NT5DC3: variants seen among roughly 807,000 people sequenced by gnomAD.
NT5DC3 encodes the protein 5'-nucleotidase domain containing 3.
A neutral mutation model predicts 67.8 loss-of-function variants in NT5DC3; 42 were observed. The observed-to-expected ratio is 0.62, with a 90% CI of 0.48 to 0.80. The LOEUF (loss-of-function observed/expected upper bound fraction) is 0.80. Among genes scored for constraint, NT5DC3 ranks in the 30% least tolerant of loss-of-function variants. NT5DC3 has a pLI of 0.00. For missense variants in NT5DC3, 570 were observed against 696.4 expected (o/e 0.82, Z 2.04); for synonymous variants, 237 against 255.6 (o/e 0.93, Z 0.69).
downstream of NT5DC3, among the ~76,000 whole-genome samples, chr12:103,767,804 C>T (rs1464951297): frequency 6.6e-6 from 1 of 151,800 alleles, no homozygotes; most frequent in African/African-American, 2.4e-5. Context: ...CACTTGAGGT[C>T]GGGCATGGTG....
chr12:103,756,749 A>G, the NT5DC3 span, among the ~76,000 whole-genome samples: 2 of 152,016 alleles, frequency 1.3e-5, no homozygotes, highest in African/African-American at 4.8e-5. Context: ...GGCTTGTAGG[A>G]TCCATGTGGA....
chr12:103,794,129 A>C, intron 6 of NT5DC3, 132 bp from the exon 7 acceptor site: 1 of 621,484 alleles, frequency 1.6e-6, no homozygotes, highest in Admixed American at 2.9e-5. Context: ...ACAAAATCTA[A>C]ATTCTGGTCC....
At chr12:103,832,216 C>A (rs1887962532) in intron 1 of NT5DC3, among the ~76,000 whole-genome samples, 1 of 151,918 alleles carries the variant, frequency 6.6e-6, no homozygotes, top group Non-Finnish European at 1.5e-5. Context: ...ATCTAGTCTG[C>A]CAGACTGCTG....
At chr12:103,824,377 T>TA (rs1887606060) in intron 1 of NT5DC3, among the ~76,000 whole-genome samples, 2 of 152,240 alleles carry the variant, frequency 1.3e-5, no homozygotes, top group Admixed American at 1.3e-4. Context: ...ATGCCCAAGG[T>TA]ATCCTTTCCA....
In NT5DC3 at chr12:103,774,638, C is replaced by T. The variant is rs1332365690; in HGVS notation, c.*3191G>A. On this transcript the variant is annotated 3_prime_UTR_variant, in exon 14 of 14. Coordinates refer to ENST00000392876, the MANE Select transcript of NT5DC3 (RefSeq NM_001031701.3). ...GGCGGAGGTTGGAGTGAGCCAAGAT[C>T]GTGCCATTGCACTCCGGCCTGGGCA... The T allele has an allele frequency of 7.0e-6, 1 of 142,524 alleles. No homozygotes were observed. The highest frequency in any genetic ancestry group is 2.7e-5 in the African/African-American group (1 of 37,490). The allele number at this position is 142,524 out of a possible 1,614,324, so 8.8% of individuals were successfully genotyped here. A position where few individuals can be genotyped will look rare whatever the true frequency, so the allele number is the denominator to read the frequency against.
chr12:103,762,221 T>C, the NT5DC3 span: 1 of 1,604,112 alleles, frequency 6.2e-7, no homozygotes, highest in Non-Finnish European at 8.5e-7. Context: ...GGGTTCCCCT[T>C]TTGGGGAGTC....
intron 2 of NT5DC3, among the ~76,000 whole-genome samples, chr12:103,812,426 A>C (rs1887072050): frequency 6.6e-6 from 1 of 152,136 alleles, no homozygotes. Flanking sequence ...AGCAACAAAC[A>C]GACATAATGA....
At chr12:103,822,299 G>C (rs1887523063) in intron 1 of NT5DC3, among the ~76,000 whole-genome samples, 1 of 151,976 alleles carries the variant, frequency 6.6e-6, no homozygotes, top group Non-Finnish European at 1.5e-5. Flanking sequence ...TGGGGAAAGA[G>C]GTGAGTATAT....
chr12:103,799,782 T>C (rs1379659905), intron 4 of NT5DC3, among the ~76,000 whole-genome samples: 1 of 133,504 alleles, frequency 7.5e-6, no homozygotes, highest in African/African-American at 2.7e-5. Flanking sequence ...AATCTGCAAA[T>C]GAATCCACCT....
chr12:103,832,347 T>C (rs997600097), intron 1 of NT5DC3, among the ~76,000 whole-genome samples: 1 of 152,112 alleles, frequency 6.6e-6, no homozygotes, highest in Non-Finnish European at 1.5e-5. Flanking sequence ...TCCCGGGTCT[T>C]ACCTCCACAT....
intron 4 of NT5DC3, among the ~76,000 whole-genome samples, chr12:103,805,667 G>A (rs1886766830): frequency 1.3e-5 from 2 of 151,900 alleles, no homozygotes; most frequent in African/African-American, 4.8e-5. Context: ...CTAATATGGT[G>A]AAACCCTGTC....
At chr12:103,757,758 G>A in the NT5DC3 span, among the ~76,000 whole-genome samples, 7 of 152,228 alleles carry the variant, frequency 4.6e-5, no homozygotes, top group African/African-American at 1.7e-4. Flanking sequence ...GGAACAGAGT[G>A]AGCAAGAGAG....
At chr12:103,791,653 G>A (rs11111778) in intron 9 of NT5DC3, among the ~76,000 whole-genome samples, 35,897 of 152,106 alleles carry the variant, frequency 0.24, 4,882 homozygotes, top group South Asian at 0.46. Context: ...ACCCTGGGCC[G>A]CGGACCACAG....
At chr12:103,810,217 A>G (rs543942871) in intron 2 of NT5DC3, among the ~76,000 whole-genome samples, 2 of 152,272 alleles carry the variant, frequency 1.3e-5, no homozygotes, top group African/African-American at 4.8e-5. Context: ...CATTTTGACT[A>G]GGGTGATTTC....
intron 1 of NT5DC3, among the ~76,000 whole-genome samples, chr12:103,840,693 C>A (rs1479097182): frequency 6.6e-6 from 1 of 152,124 alleles, no homozygotes; most frequent in Non-Finnish European, 1.5e-5. Context: ...CTAAAAATCC[C>A]AAGAATATAT....
chr12:103,840,315 G>A (rs1055390565), intron 1 of NT5DC3, among the ~76,000 whole-genome samples: 6 of 151,940 alleles, frequency 3.9e-5, no homozygotes, highest in Admixed American at 1.3e-4. Flanking sequence ...CCTCCTCACC[G>A]AGGTTAATGG....
intron 2 of NT5DC3, 71 bp downstream of exon 2, chr12:103,814,866 G>T (rs1179320912): frequency 1.8e-6 from 2 of 1,133,140 alleles, no homozygotes; most frequent in African/African-American, 1.6e-5. Context: ...CAGACTTGGG[G>T]TCATGTCAGC....
chr12:103,828,721 G>A (rs182609496), intron 1 of NT5DC3, among the ~76,000 whole-genome samples: 4 of 135,754 alleles, frequency 2.9e-5, no homozygotes, highest in Non-Finnish European at 6.2e-5. Flanking sequence ...TTTTGGAGAC[G>A]GAGTCTCACT....
At chr12:103,800,732 T>A (rs976723660) in intron 4 of NT5DC3, among the ~76,000 whole-genome samples, 13 of 152,314 alleles carry the variant, frequency 8.5e-5, no homozygotes, top group Admixed American at 5.9e-4. Flanking sequence ...AAGTGGAAGC[T>A]CCTTTTCCCC....
Sources: gnomAD v4.1 joint callset for allele counts (sites outside exome capture counted in the v4.1 genomes callset) on GRCh38, gnomAD v4.1.1 for gene constraint, MANE v1.5 for transcripts, NCBI Gene and HGNC (gene_info 2026-07-23, HGNC 2026-07-21) for gene names.